TLK1: variants seen among roughly 807,000 people sequenced by gnomAD.
The protein encoded by TLK1 is tousled like kinase 1.
TLK1 carries 24 observed loss-of-function variants against 105.3 expected under a neutral mutation model. The ratio of observed to expected loss-of-function variants is 0.23; its 90% CI spans 0.17 to 0.32. The LOEUF (loss-of-function observed/expected upper bound fraction) is 0.32. TLK1 is among the 10% of genes least tolerant of loss of function. The pLI is 1.00. For missense variants in TLK1, 558 were observed against 910.5 expected (o/e 0.61, Z 4.98); for synonymous variants, 321 against 310.4 (o/e 1.03, Z -0.36).
At chr2:171,125,325 T>C (rs1334466574) in intron 1 of TLK1, among the ~76,000 whole-genome samples, 1 of 152,222 alleles carries the variant, frequency 6.6e-6, no homozygotes, top group East Asian at 1.9e-4. Context: ...TATTCCTCTA[T>C]TGCAGCTCTA....
At chr2:171,229,331 A>G (rs1693951594) in intron 1 of TLK1, among the ~76,000 whole-genome samples, 1 of 152,110 alleles carries the variant, frequency 6.6e-6, no homozygotes, top group Non-Finnish European at 1.5e-5. Context: ...GCTAATGGAT[A>G]TTTGCCTGTC....
chr2:171,223,791 A>T (rs1260902664), intron 1 of TLK1, among the ~76,000 whole-genome samples: 1 of 150,994 alleles, frequency 6.6e-6, no homozygotes, highest in Non-Finnish European at 1.5e-5. Flanking sequence ...TGCACATTTT[A>T]AAATCAATTT....
At chr2:171,111,767 A>AT (rs1174445915) in intron 2 of TLK1, among the ~76,000 whole-genome samples, 2 of 152,184 alleles carry the variant, frequency 1.3e-5, no homozygotes, top group Admixed American at 6.5e-5. Context: ...TATAAAACAG[A>AT]TATGGTAGGG....
chr2:171,178,344 T>G (rs1692870916), intron 1 of TLK1, among the ~76,000 whole-genome samples: 1 of 152,192 alleles, frequency 6.6e-6, no homozygotes, highest in African/African-American at 2.4e-5. Flanking sequence ...CTGTTCTGCA[T>G]AGGCCTTTAT....
chr2:171,179,108 T>C (rs1314930175), intron 1 of TLK1, among the ~76,000 whole-genome samples: 1 of 152,188 alleles, frequency 6.6e-6, no homozygotes, highest in Admixed American at 6.5e-5. Context: ...TAAGAAGACA[T>C]GGAATAACAA....
At position 171,118,311 on chromosome 2, in the gene TLK1, C is replaced by T. The variant is rs191658947; in HGVS notation, c.140-454G>A. Among the ~76,000 whole-genome samples the T allele has an allele frequency of 1.9e-3, 287 of 152,234 alleles. 1 individual carries two copies. The highest frequency in any genetic ancestry group is 6.3e-3 in the African/African-American group (262 of 41,522). On this transcript the variant is annotated intron_variant, in intron 1 of 20. Transcript: ENST00000431350. Reference sequence around the variant, plus strand: ...CCATAGTTTAAAAAATACTACTCTCCTAATGTAATCTCCCTATTCTGAGCA... The same window carrying T: ...CCATAGTTTAAAAAATACTACTCTCTTAATGTAATCTCCCTATTCTGAGCA...
chr2:171,046,519 T>C (rs899281191), intron 10 of TLK1, among the ~76,000 whole-genome samples, 157 bp from the exon 11 acceptor site: 40 of 152,320 alleles, frequency 2.6e-4, no homozygotes, highest in African/African-American at 9.1e-4. Flanking sequence ...ATCCTTCAGG[T>C]CTCATTTGAA....
intron 6 of TLK1, among the ~76,000 whole-genome samples, chr2:171,055,994 T>C (rs1321268874): frequency 1.3e-5 from 2 of 152,046 alleles, no homozygotes; most frequent in Non-Finnish European, 1.5e-5. Flanking sequence ...TAAAATGTTA[T>C]GAAAAAACCA....
intron 1 of TLK1, among the ~76,000 whole-genome samples, chr2:171,165,946 A>C (rs1455846128): frequency 2.0e-5 from 3 of 152,242 alleles, no homozygotes; most frequent in South Asian, 2.1e-4. Context: ...TGGATGAGGT[A>C]TACTTTCTGA....
intron 1 of TLK1, among the ~76,000 whole-genome samples, chr2:171,177,682 G>T (rs1234522954): frequency 6.6e-6 from 1 of 152,146 alleles, no homozygotes; most frequent in East Asian, 1.9e-4. Context: ...TAGACTCAAG[G>T]TCCTTACTGA....
At chr2:171,104,410 A>C (rs1054675923) in intron 2 of TLK1, among the ~76,000 whole-genome samples, 4 of 152,166 alleles carry the variant, frequency 2.6e-5, no homozygotes, top group African/African-American at 7.2e-5. Flanking sequence ...AAAATTAAAG[A>C]GGACATAAAA....
intron 1 of TLK1, among the ~76,000 whole-genome samples, chr2:171,129,196 T>C (rs1343291446): frequency 2.0e-5 from 3 of 152,164 alleles, no homozygotes; most frequent in African/African-American, 7.2e-5. Flanking sequence ...TTCATCCCTT[T>C]CCCTCATTAC....
chr2:171,004,736 G>GT (rs1228535379), intron 18 of TLK1, among the ~76,000 whole-genome samples: 12 of 151,920 alleles, frequency 7.9e-5, no homozygotes, highest in Non-Finnish European at 1.6e-4. Context: ...AAGATGCTTT[G>GT]TTTTTGTTGG....
chr2:171,092,876 T>C, intron 2 of TLK1, among the ~76,000 whole-genome samples: 1 of 151,966 alleles, frequency 6.6e-6, no homozygotes, highest in African/African-American at 2.4e-5. Context: ...GTTAACAGGT[T>C]AGAAGTTAGG....
chr2:171,019,019 C>T (rs72888209), intron 12 of TLK1, among the ~76,000 whole-genome samples: 177 of 152,174 alleles, frequency 1.2e-3, no homozygotes, highest in Non-Finnish European at 2.2e-3. Flanking sequence ...ATCTAATACT[C>T]ACATAAAAAG....
chr2:171,053,975 T>C, intron 7 of TLK1, 122 bp from the exon 8 acceptor site: 1 of 718,622 alleles, frequency 1.4e-6, no homozygotes, highest in Non-Finnish European at 2.1e-6. Flanking sequence ...ATATGTAAAG[T>C]GAATCTCAAA....
chr2:171,053,903 A>C, intron 7 of TLK1, 50 bp from the exon 8 acceptor site: 2 of 1,352,264 alleles, frequency 1.5e-6, no homozygotes, highest in Middle Eastern at 2.3e-4. Flanking sequence ...TGTTGTTTCA[A>C]GCAAACATAA....
At chr2:171,086,950 G>A (rs535311544) in intron 2 of TLK1, among the ~76,000 whole-genome samples, 3 of 152,232 alleles carry the variant, frequency 2.0e-5, no homozygotes, top group South Asian at 4.1e-4. Flanking sequence ...CGGAGCAGAC[G>A]ATAAGCAGCC....
intron 2 of TLK1, among the ~76,000 whole-genome samples, chr2:171,084,712 T>C (rs1688895544): frequency 6.6e-6 from 1 of 151,968 alleles, no homozygotes. Context: ...ATCCACAAAA[T>C]AGGTAAAAAT....
Sources: allele counts gnomAD v4.1 joint callset (sites outside exome capture counted in the v4.1 genomes callset), GRCh38; gene constraint gnomAD v4.1.1; transcripts MANE v1.5; gene names NCBI Gene and HGNC (gene_info 2026-07-23, HGNC 2026-07-21).